The following CSMD1 variants were observed in gnomAD, a reference collection of about 807,000 sequenced individuals.
CSMD1 encodes the protein CUB and Sushi multiple domains 1, also known as CUB and sushi domain-containing protein 1.
A neutral mutation model predicts 417.5 loss-of-function variants in CSMD1; 213 were observed. That is an observed-to-expected ratio of 0.51 (90% confidence interval 0.46 to 0.57). The LOEUF (loss-of-function observed/expected upper bound fraction) is 0.57. Among genes scored for constraint, CSMD1 ranks in the 20% least tolerant of loss-of-function variants. CSMD1 has a pLI of 0.00. For missense variants in CSMD1, 6,923 were observed against 4,529.7 expected, an observed-to-expected ratio of 1.53 and a Z score of -15.17; for synonymous variants, 2,862 against 1,736.8, an observed-to-expected ratio of 1.65 and a Z score of -16.11.
At chr8:4,639,361 C>G (rs1019104686) in intron 1 of CSMD1, among the ~76,000 whole-genome samples, 1 of 150,606 alleles carries the variant, frequency 6.6e-6, no homozygotes, top group Non-Finnish European at 1.5e-5. Context: ...GAAAACGGGG[C>G]AGACAGATCG....
chr8:4,102,084 A>T (rs993928635), intron 3 of CSMD1, among the ~76,000 whole-genome samples: 1 of 152,182 alleles, frequency 6.6e-6, no homozygotes, highest in Non-Finnish European at 1.5e-5. Context: ...GCGCTGCACT[A>T]ATTTCTGAAG....
chr8:4,460,348 A>C (rs1484718640), intron 2 of CSMD1, among the ~76,000 whole-genome samples: 2 of 152,150 alleles, frequency 1.3e-5, no homozygotes, highest in East Asian at 1.9e-4. Context: ...GCATAGAGGG[A>C]AATTTAGAGT....
chr8:3,628,706 G>C (rs1474733022), intron 7 of CSMD1, among the ~76,000 whole-genome samples: 1 of 151,994 alleles, frequency 6.6e-6, no homozygotes. Context: ...AAGAAGTGTA[G>C]GCACCCTGCA....
At chr8:3,720,704 G>C (rs190305857) in intron 6 of CSMD1, among the ~76,000 whole-genome samples, 77 of 151,320 alleles carry the variant, frequency 5.1e-4, no homozygotes, top group African/African-American at 1.7e-3. Context: ...ATGATACCTA[G>C]TTCCAGGCAT....
chr8:4,229,767 G>A (rs1376544921), intron 3 of CSMD1, among the ~76,000 whole-genome samples: 9 of 152,014 alleles, frequency 5.9e-5, no homozygotes, highest in African/African-American at 1.7e-4. Flanking sequence ...ATCACAATGC[G>A]ACCCACTAAG....
intron 26 of CSMD1, among the ~76,000 whole-genome samples, chr8:3,266,435 A>G (rs971818599): frequency 3.3e-5 from 5 of 151,386 alleles, no homozygotes; most frequent in African/African-American, 1.2e-4. Flanking sequence ...GCAAAACCCC[A>G]TTTCTATGAA....
rs560083592 is a variant in CSMD1, at chr8:4,450,545, G to C, written c.303-30480C>G. Among the ~76,000 whole-genome samples, 207 of 152,170 alleles carry C rather than the reference G, an allele frequency of 1.4e-3. 1 individual carries two copies. Among genetic ancestry groups the C allele is most frequent in the Non-Finnish European group, 1.3e-3 (89 of 67,996 alleles). ...AGCTACTTGGGAGGCTGAGGCACGGGATTCACTTGAACCCGGGAGGCAGAG... is the reference window on the plus strand; with the variant it reads ...AGCTACTTGGGAGGCTGAGGCACGGCATTCACTTGAACCCGGGAGGCAGAG... On this transcript the variant is annotated intron_variant, in intron 2 of 69. Coordinates refer to ENST00000635120, the MANE Select transcript of CSMD1 (RefSeq NM_033225.6).
intron 1 of CSMD1, among the ~76,000 whole-genome samples, chr8:4,899,906 G>C (rs560562834): frequency 5.1e-4 from 77 of 152,256 alleles, no homozygotes; most frequent in African/African-American, 1.7e-3. Context: ...TCTGTCCCTA[G>C]AGTTTACCCA....
chr8:4,604,381 T>TTGTG (rs368710127), intron 2 of CSMD1, among the ~76,000 whole-genome samples: 1,620 of 91,604 alleles, frequency 0.018, 27 homozygotes, highest in African/African-American at 0.047. Context: ...ACAAATAGCA[T>TTGTG]TGTGTGTGTG....
intron 2 of CSMD1, among the ~76,000 whole-genome samples, chr8:4,507,354 A>T (rs1802581266): frequency 6.6e-6 from 1 of 152,200 alleles, no homozygotes; most frequent in African/African-American, 2.4e-5. Flanking sequence ...ATCTGTTTAC[A>T]AGACTCTCCC....
At chr8:3,698,638 G>A (rs1800687565) in intron 7 of CSMD1, among the ~76,000 whole-genome samples, 1 of 152,160 alleles carries the variant, frequency 6.6e-6, no homozygotes, top group Admixed American at 6.5e-5. Context: ...AGCAAGACCT[G>A]ATGATGAGAG....
At chr8:3,526,377 C>T (rs1208032184) in intron 10 of CSMD1, among the ~76,000 whole-genome samples, 3 of 151,834 alleles carry the variant, frequency 2.0e-5, no homozygotes, top group Non-Finnish European at 2.9e-5. Flanking sequence ...AGAGTAATAA[C>T]GTCTTCTTCA....
intron 12 of CSMD1, among the ~76,000 whole-genome samples, chr8:3,431,677 A>G (rs1814224896): frequency 6.6e-6 from 1 of 152,220 alleles, no homozygotes; most frequent in Admixed American, 6.5e-5. Flanking sequence ...TTCCGGTAAC[A>G]TATGACCCAT....
chr8:4,461,681 G>A (rs1793779016), intron 2 of CSMD1, among the ~76,000 whole-genome samples: 1 of 151,450 alleles, frequency 6.6e-6, no homozygotes, highest in Non-Finnish European at 1.5e-5. Flanking sequence ...CTGCTGTATA[G>A]CTGGGGCCAT....
intron 1 of CSMD1, among the ~76,000 whole-genome samples, chr8:4,736,168 A>G (rs1304151375): frequency 2.0e-5 from 3 of 152,168 alleles, no homozygotes; most frequent in Middle Eastern, 3.2e-3. Context: ...ATGCTTTCAA[A>G]TATTAACTTC....
intron 49 of CSMD1, among the ~76,000 whole-genome samples, chr8:3,055,225 T>C (rs930429913): frequency 1.3e-5 from 2 of 152,316 alleles, no homozygotes; most frequent in East Asian, 1.9e-4. Context: ...AAGATCTTTA[T>C]AGCCCCTTCT....
chr8:3,667,952 C>G (rs1798788677), intron 7 of CSMD1, among the ~76,000 whole-genome samples: 1 of 152,148 alleles, frequency 6.6e-6, no homozygotes, highest in African/African-American at 2.4e-5. Context: ...CACCCATTTC[C>G]TCCCTGCGTC....
intron 3 of CSMD1, among the ~76,000 whole-genome samples, chr8:4,304,382 G>A (rs530768393): frequency 1.3e-5 from 2 of 152,114 alleles, no homozygotes; most frequent in African/African-American, 4.8e-5. Flanking sequence ...AGCTCATGTT[G>A]TAAATAGAGA....
intron 5 of CSMD1, among the ~76,000 whole-genome samples, chr8:3,987,572 C>G (rs78196757): frequency 1.3e-5 from 2 of 152,126 alleles, no homozygotes; most frequent in African/African-American, 2.4e-5. Flanking sequence ...GGAGGAACAC[C>G]ATTTTTAATT....
Sources: allele counts gnomAD v4.1 joint callset (sites outside exome capture counted in the v4.1 genomes callset), GRCh38; gene constraint gnomAD v4.1.1; transcripts MANE v1.5; gene names NCBI Gene and HGNC (gene_info 2026-07-23, HGNC 2026-07-21).